Variants in CERS3 observed in about 807,000 individuals in gnomAD.
The protein encoded by CERS3 is ceramide synthase 3, also known as LAG1 homolog, ceramide synthase 3.
Under a neutral mutation model 50.3 loss-of-function variants are expected in CERS3, and 33 were observed. The ratio of observed to expected loss-of-function variants is 0.66; its 90% CI spans 0.50 to 0.88. The LOEUF is 0.88. Among genes scored for constraint, CERS3 ranks in the 40% least tolerant of loss-of-function variants. The pLI is 0.00. For missense variants in CERS3, 470 were observed against 460.3 expected (o/e 1.02, Z -0.19); for synonymous variants, 176 against 155.2 (o/e 1.13, Z -0.99).
intron 3 of CERS3, among the ~76,000 whole-genome samples, chr15:100,500,860 A>G (rs1449694284): frequency 6.6e-6 from 1 of 152,218 alleles, no homozygotes; most frequent in African/African-American, 2.4e-5. Context: ...TAAACATATG[A>G]TCTGCATTAC....
At chr15:100,492,697 A>G (rs2035689421) in intron 3 of CERS3, among the ~76,000 whole-genome samples, 1 of 152,184 alleles carries the variant, frequency 6.6e-6, no homozygotes, top group Non-Finnish European at 1.5e-5. Context: ...CATTTAAAGT[A>G]ATTCCTGATA....
chr15:100,442,644 C>T (rs1185677788), intron 11 of CERS3, among the ~76,000 whole-genome samples: 1 of 152,112 alleles, frequency 6.6e-6, no homozygotes, highest in East Asian at 1.9e-4. Context: ...TATGCGGGAC[C>T]CCACTGAAAA....
At chr15:100,454,384 T>G (rs2142192719) in intron 11 of CERS3, among the ~76,000 whole-genome samples, 2 of 11,634 alleles carry the variant, frequency 1.7e-4, no homozygotes, top group African/African-American at 4.9e-4. Context: ...AGCAAGGCAT[T>G]GTCAAAAAAA....
rs546887910 is a variant in CERS3 at position 100,417,784 on chromosome 15, G to A, written c.1000-14919C>T. Among the ~76,000 whole-genome samples the A allele has an allele frequency of 1.4e-3, 207 of 151,302 alleles. 2 individuals carry two copies. The highest frequency in any genetic ancestry group is 2.2e-3 in the African/African-American group (90 of 40,738). On this transcript the variant is annotated intron_variant, in intron 11 of 11. Transcript: ENST00000679737. ...GTAGGTCCCTGACCCCTGACCCCTGGGCAGCCTAACTGAGAGGCACCCCCC... is the reference window on the plus strand; with the variant it reads ...GTAGGTCCCTGACCCCTGACCCCTGAGCAGCCTAACTGAGAGGCACCCCCC...
intron 11 of CERS3, among the ~76,000 whole-genome samples, chr15:100,455,582 A>T (rs2034340440): frequency 6.6e-6 from 1 of 152,184 alleles, no homozygotes; most frequent in South Asian, 2.1e-4. Flanking sequence ...ATTACATATC[A>T]ATAAGCAAAA....
intron 4 of CERS3, among the ~76,000 whole-genome samples, chr15:100,487,578 G>T (rs2035525781): frequency 6.6e-6 from 1 of 152,130 alleles, no homozygotes; most frequent in South Asian, 2.1e-4. Flanking sequence ...TCAGAAGTGG[G>T]TTGGAACATG....
chr15:100,439,506 G>A (rs554476550), intron 11 of CERS3, among the ~76,000 whole-genome samples: 2 of 152,298 alleles, frequency 1.3e-5, no homozygotes, highest in South Asian at 4.1e-4. Flanking sequence ...AGAAATTTTT[G>A]GAGGCACATG....
intron 11 of CERS3, chr15:100,426,010 CT>C (rs2032790379): frequency 6.6e-6 from 1 of 152,436 alleles, no homozygotes; most frequent in East Asian, 1.9e-4. Flanking sequence ...GAAGTGCCTG[CT>C]TTCCCTTTGC....
intron 8 of CERS3, 184 bp downstream of exon 8, chr15:100,475,902 A>G: frequency 2.9e-6 from 1 of 339,354 alleles, no homozygotes; most frequent in South Asian, 6.6e-5. Flanking sequence ...TTTCACTACA[A>G]ATGTTTACCA....
At chr15:100,504,737 T>C (rs933171048) in intron 2 of CERS3, among the ~76,000 whole-genome samples, 16 of 152,236 alleles carry the variant, frequency 1.1e-4, no homozygotes, top group African/African-American at 3.6e-4. Context: ...AGACTTGATC[T>C]GGGTACAAAG....
chr15:100,440,537 C>T (rs1184644896), intron 11 of CERS3, among the ~76,000 whole-genome samples: 1 of 152,236 alleles, frequency 6.6e-6, no homozygotes, highest in African/African-American at 2.4e-5. Flanking sequence ...CTGCCTGCAC[C>T]CAGGTGAAAT....
At chr15:100,484,922 A>G (rs1392164216) in intron 4 of CERS3, among the ~76,000 whole-genome samples, 2 of 152,190 alleles carry the variant, frequency 1.3e-5, no homozygotes, top group African/African-American at 4.8e-5. Flanking sequence ...GCTGGCAGCA[A>G]CCCGGCATTC....
chr15:100,516,870 C>A (rs1454725195), intron 2 of CERS3, among the ~76,000 whole-genome samples: 1 of 152,204 alleles, frequency 6.6e-6, no homozygotes, highest in Non-Finnish European at 1.5e-5. Context: ...GGAGAATGCC[C>A]AGATCTCCCT....
chr15:100,420,351 G>C lies in CERS3; in HGVS notation c.1000-17486C>G, dbSNP rs543758586. Among the ~76,000 whole-genome samples, 36 of 152,162 alleles carry C rather than the reference G, an allele frequency of 2.4e-4. 1 individual carries two copies. The East Asian group carries it at 6.8e-3, about 29-fold the overall frequency. On this transcript the variant is annotated intron_variant, in intron 11 of 11. Coordinates refer to ENST00000679737, the MANE Select transcript of CERS3 (RefSeq NM_001378789.1). ...TCTAGAAGAAATGGATAAATTCCTG[G>C]ACACATAACACTCTCCCAAGACTAA...
chr15:100,501,623 C>G, intron 3 of CERS3, 54 bp downstream of exon 3: 1 of 1,443,186 alleles, frequency 6.9e-7, no homozygotes, highest in Non-Finnish European at 9.7e-7. Context: ...CTGTATTATT[C>G]TAGTGTTAGA....
intron 3 of CERS3, among the ~76,000 whole-genome samples, chr15:100,501,096 G>GA (rs1455476168): frequency 6.6e-6 from 1 of 151,886 alleles, no homozygotes. Context: ...ATTAAATCAA[G>GA]AAAAAAATAA....
intron 2 of CERS3, among the ~76,000 whole-genome samples, chr15:100,517,134 G>C (rs1032740780): frequency 2.0e-5 from 3 of 152,180 alleles, no homozygotes; most frequent in South Asian, 2.1e-4. Context: ...ACGGATCTAG[G>C]ACAAGTCAGT....
intron 2 of CERS3, among the ~76,000 whole-genome samples, chr15:100,519,158 CAAA>C (rs11303130): frequency 1.4e-5 from 2 of 144,576 alleles, no homozygotes; most frequent in African/African-American, 2.6e-5. Flanking sequence ...GACTCCATCT[CAAA>C]AAAAAAAAAA....
intron 8 of CERS3, among the ~76,000 whole-genome samples, chr15:100,474,728 C>G (rs186650411): frequency 4.9e-4 from 75 of 152,294 alleles, no homozygotes; most frequent in Admixed American, 9.8e-4. Flanking sequence ...TACAGATTAA[C>G]CTGTTTAATT....
Sources: gnomAD v4.1 joint callset for allele counts (sites outside exome capture counted in the v4.1 genomes callset) on GRCh38, gnomAD v4.1.1 for gene constraint, MANE v1.5 for transcripts, NCBI Gene and HGNC (gene_info 2026-07-23, HGNC 2026-07-21) for gene names.